The following SLC25A21 variants were observed in gnomAD, a reference collection of about 807,000 sequenced individuals.
SLC25A21 encodes mitochondrial 2-oxodicarboxylate carrier.
Under a neutral mutation model 43.8 loss-of-function variants are expected in SLC25A21, and 47 were observed. The ratio of observed to expected loss-of-function variants is 1.07; its 90% CI spans 0.85 to 1.37. The LOEUF is 1.37. Among genes scored for constraint, SLC25A21 ranks in the 40% most tolerant of loss-of-function variants. The pLI, the probability that SLC25A21 is intolerant of heterozygous loss-of-function variation, is 0.00. For missense variants in SLC25A21, 352 were observed against 350.2 expected, an observed-to-expected ratio of 1.00 and a Z score of -0.04; for synonymous variants, 131 against 121.3, an observed-to-expected ratio of 1.08 and a Z score of -0.52.
chr14:36,719,344 A>G (rs1268082235), intron 6 of SLC25A21, among the ~76,000 whole-genome samples: 1 of 152,234 alleles, frequency 6.6e-6, no homozygotes, highest in African/African-American at 2.4e-5. Flanking sequence ...ACCATCTCCA[A>G]TAGGGAAATC....
chr14:36,745,015 C>A (rs918543088), intron 3 of SLC25A21, among the ~76,000 whole-genome samples: 4 of 151,418 alleles, frequency 2.6e-5, no homozygotes, highest in African/African-American at 9.7e-5. Context: ...CCCAGCCCCC[C>A]ACCCTCCAAC....
At chr14:37,078,555 C>T (rs1428535591) in intron 1 of SLC25A21, among the ~76,000 whole-genome samples, 1 of 152,036 alleles carries the variant, frequency 6.6e-6, no homozygotes, top group Admixed American at 6.5e-5. Context: ...CAGTCAAAGG[C>T]CCTTAATAAG....
intron 3 of SLC25A21, among the ~76,000 whole-genome samples, chr14:36,809,994 T>C (rs1888177607): frequency 6.6e-6 from 1 of 152,206 alleles, no homozygotes; most frequent in Non-Finnish European, 1.5e-5. Context: ...TGTCTTCTTT[T>C]CTTCTCTTTC....
intron 1 of SLC25A21, among the ~76,000 whole-genome samples, chr14:37,018,224 C>G (rs1457971466): frequency 6.6e-6 from 1 of 151,970 alleles, no homozygotes; most frequent in Non-Finnish European, 1.5e-5. Context: ...TAGCTGCCTA[C>G]ATAAAAATTT....
chr14:36,963,330 T>C (rs1486286108), intron 1 of SLC25A21, among the ~76,000 whole-genome samples: 2 of 152,152 alleles, frequency 1.3e-5, no homozygotes, highest in African/African-American at 4.8e-5. Context: ...ACAGAGAATA[T>C]AAAATGGCCC....
chr14:37,162,163 C>A (rs968586512), intron 1 of SLC25A21, among the ~76,000 whole-genome samples: 9 of 152,028 alleles, frequency 5.9e-5, no homozygotes, highest in Non-Finnish European at 1.2e-4. Flanking sequence ...AAGGAGCCAA[C>A]CCTGCCGACG....
intron 2 of SLC25A21, among the ~76,000 whole-genome samples, chr14:36,846,522 C>T (rs1266162349): frequency 6.6e-6 from 1 of 152,002 alleles, no homozygotes; most frequent in Non-Finnish European, 1.5e-5. Context: ...GCTGGGATTA[C>T]AGGTGCCTGC....
intron 1 of SLC25A21, among the ~76,000 whole-genome samples, chr14:37,023,320 G>C (rs1961026444): frequency 1.3e-5 from 2 of 152,018 alleles, no homozygotes; most frequent in South Asian, 2.1e-4. Context: ...TTTTTAAAAT[G>C]CAAGAAAAAG....
At chr14:36,895,237 G>A (rs1162605593) in intron 1 of SLC25A21, among the ~76,000 whole-genome samples, 5 of 152,152 alleles carry the variant, frequency 3.3e-5, no homozygotes, top group Middle Eastern at 3.4e-3. Context: ...TGGTCTATTC[G>A]GAGATTCAAC....
chr14:36,752,536 T>C (rs529610414), intron 3 of SLC25A21, among the ~76,000 whole-genome samples: 1 of 152,292 alleles, frequency 6.6e-6, no homozygotes, highest in South Asian at 2.1e-4. Flanking sequence ...ATGTGGCATA[T>C]ATAAACAATG....
At chr14:36,890,637 C>T (rs923603712) in intron 1 of SLC25A21, among the ~76,000 whole-genome samples, 19 of 152,070 alleles carry the variant, frequency 1.2e-4, no homozygotes, top group Non-Finnish European at 2.1e-4. Flanking sequence ...TAAGGTACAC[C>T]ACAACATCCA....
chr14:37,021,878 A>C (rs1001775834), intron 1 of SLC25A21, among the ~76,000 whole-genome samples: 2 of 151,990 alleles, frequency 1.3e-5, no homozygotes, highest in Non-Finnish European at 2.9e-5. Flanking sequence ...GAACATTTGC[A>C]GGTGATTCTA....
intron 2 of SLC25A21, among the ~76,000 whole-genome samples, chr14:36,869,464 C>CT (rs1034063249): frequency 6.6e-6 from 1 of 152,168 alleles, no homozygotes; most frequent in African/African-American, 2.4e-5. Flanking sequence ...AGGCTGCACT[C>CT]TAAGTACCTA....
At chr14:37,128,485 T>C (rs1208125723) in intron 1 of SLC25A21, among the ~76,000 whole-genome samples, 2 of 152,022 alleles carry the variant, frequency 1.3e-5, no homozygotes, top group Non-Finnish European at 2.9e-5. Flanking sequence ...CAAGTCAATA[T>C]GACCCATTAT....
chr14:37,022,042 C>T (rs1960997993), intron 1 of SLC25A21, among the ~76,000 whole-genome samples: 2 of 148,954 alleles, frequency 1.3e-5, no homozygotes, highest in South Asian at 4.3e-4. Context: ...TGAGAATTAG[C>T]TGCTTCATAG....
chr14:36,825,494 A>G (rs956261147), intron 2 of SLC25A21, among the ~76,000 whole-genome samples: 19 of 152,204 alleles, frequency 1.2e-4, no homozygotes, highest in African/African-American at 4.3e-4. Context: ...CAAGAAAACT[A>G]TGCTTCACTA....
chr14:36,992,436 T>A lies in SLC25A21; in HGVS notation c.71-117432A>T, dbSNP rs376621601. Among the ~76,000 whole-genome samples the A allele has an allele frequency of 4.6e-4, 65 of 141,016 alleles. 1 individual carries two copies. The highest frequency in any genetic ancestry group is 3.3e-3 in the East Asian group (15 of 4,522). The allele number at this position is 141,016 out of a possible 152,430, so 92.5% of individuals were successfully genotyped here. The stretch of plus-strand genomic sequence containing the variant: ...AAAAAATAAATAAATAATAAAAAAA[T>A]TTTTTTTAAAGAATAGCACTGTTTC... On this transcript the variant is annotated intron_variant, in intron 1 of 9. Coordinates refer to ENST00000331299, the MANE Select transcript of SLC25A21 (RefSeq NM_030631.4).
intron 1 of SLC25A21, among the ~76,000 whole-genome samples, chr14:37,020,031 T>G (rs12147119): frequency 0.34 from 51,978 of 151,836 alleles, 10,257 homozygotes; most frequent in South Asian, 0.51. Flanking sequence ...AAGTTGAATA[T>G]ATAAGAAAAT....
chr14:36,875,528 T>G (rs1267771762), intron 1 of SLC25A21, among the ~76,000 whole-genome samples: 3 of 152,314 alleles, frequency 2.0e-5, no homozygotes, highest in East Asian at 1.9e-4. Context: ...ATTAATAGCT[T>G]AATAGAGAAT....
Sources: allele counts gnomAD v4.1 joint callset (sites outside exome capture counted in the v4.1 genomes callset), GRCh38; gene constraint gnomAD v4.1.1; transcripts MANE v1.5; gene names NCBI Gene and HGNC (gene_info 2026-07-23, HGNC 2026-07-21).